The following NBEAL1 variants were observed in gnomAD, a reference collection of about 807,000 sequenced individuals.
The protein encoded by NBEAL1 is neurobeachin like 1.
In NBEAL1, 273 loss-of-function variants were observed where a neutral mutation model predicts 351.3. The ratio of observed to expected loss-of-function variants is 0.78; its 90% confidence interval spans 0.70 to 0.86. The LOEUF is 0.86. Among genes scored for constraint, NBEAL1 ranks in the 40% least tolerant of loss-of-function variants. The pLI is 0.00. For synonymous variants in NBEAL1, 1,050 were observed against 1,086.4 expected (o/e 0.97, Z 0.66); for missense variants, 2,961 against 3,201.3 (o/e 0.92, Z 1.81).
intron 10 of NBEAL1, among the ~76,000 whole-genome samples, chr2:203,089,171 C>T (rs960643123): frequency 1.3e-5 from 2 of 152,030 alleles, no homozygotes; most frequent in Non-Finnish European, 2.9e-5. Flanking sequence ...CCAGCCTGGC[C>T]AACATGGCAA....
intron 43 of NBEAL1, chr2:203,181,656 T>A (rs1209740014): frequency 6.6e-6 from 1 of 152,202 alleles, no homozygotes; most frequent in Non-Finnish European, 1.5e-5. Flanking sequence ...ATGTTAGTGT[T>A]TGACCCTTCA....
chr2:203,207,096 C>T (rs1425191295), intron 51 of NBEAL1, among the ~76,000 whole-genome samples: 2 of 148,934 alleles, frequency 1.3e-5, no homozygotes, highest in African/African-American at 4.9e-5. Flanking sequence ...TGAGGAGCGT[C>T]TCTGCCCGGC....
At chr2:203,138,125 T>C (rs534581634) in intron 29 of NBEAL1, 37 bp from the exon 30 acceptor site, 2 of 1,605,158 alleles carry the variant, frequency 1.2e-6, no homozygotes, top group Admixed American at 3.4e-5. Context: ...TTTTCTAAGC[T>C]CACAATGGTT....
chr2:203,162,978 G>C (rs146099848), intron 36 of NBEAL1, among the ~76,000 whole-genome samples: 1 of 151,964 alleles, frequency 6.6e-6, no homozygotes, highest in Admixed American at 6.6e-5. Context: ...AATGAAACCC[G>C]AAACCCAGTC....
At position 203,127,832 on chromosome 2, in the gene NBEAL1, G is replaced by C; in HGVS notation, c.3300G>C (p.Arg1100Ser). Residue 1100 changes from arginine (R) to serine (S), a missense_variant, in exon 24 of 56, where the codon AGG becomes AGC. Transcript: ENST00000683969. ...CTCTAGATGATATTCGAACAATAAGGACTTCTTTGTATGGACTAATTAAAT... is the reference window on the plus strand; with the variant it reads ...CTCTAGATGATATTCGAACAATAAGCACTTCTTTGTATGGACTAATTAAAT... ...ELSLDDIRTI[R>S]TSLYGLIKYF... 6.5e-7 allele frequency: 1 copy of C among 1,534,576 alleles called. No individual in the cohort carries two copies. Among genetic ancestry groups the C allele is most frequent in the Non-Finnish European group, 8.8e-7 (1 of 1,130,148 alleles).
chr2:203,148,730 A>G lies in NBEAL1; in HGVS notation c.5305-261A>G, dbSNP rs146512701. 3.2e-3 allele frequency among the ~76,000 whole-genome samples: 488 copies of G among 151,674 alleles called. 3 individuals carry two copies. Among genetic ancestry groups the G allele is most frequent in the African/African-American group, 0.011 (458 of 41,430 alleles). Reference sequence around the variant, plus strand: ...AAAGTTCTGTGTTGAGGCACTTTCCATTTTTGAAGTTCTTCACGTGTTTAT... The same window carrying G: ...AAAGTTCTGTGTTGAGGCACTTTCCGTTTTTGAAGTTCTTCACGTGTTTAT... On this transcript the variant is annotated intron_variant, in intron 33 of 55. Coordinates refer to ENST00000683969, the MANE Select transcript of NBEAL1 (RefSeq NM_001378026.1).
chr2:203,096,337 C>T (rs1374622021), intron 10 of NBEAL1, among the ~76,000 whole-genome samples: 2 of 152,162 alleles, frequency 1.3e-5, no homozygotes, highest in Admixed American at 6.5e-5. Flanking sequence ...AATACCATAC[C>T]TCTATGCAGT....
chr2:203,213,752 C>A, intron 55 of NBEAL1, 99 bp downstream of exon 55: 3 of 1,540,466 alleles, frequency 1.9e-6, no homozygotes, highest in East Asian at 2.3e-5. Flanking sequence ...TAGGGATAAA[C>A]AAATTAAAAG....
rs375219483 is a variant in NBEAL1 at position 203,093,682 on chromosome 2, C to T, written c.1099-3865C>T. ...CAGCCTGGCCAACGTGGCGAAACCC[C>T]GTCTCTACTAAAAATACAAAAATTA... On this transcript the variant is annotated intron_variant, in intron 10 of 55. Transcript: ENST00000683969. 5.3e-5 allele frequency among the ~76,000 whole-genome samples: 8 copies of T among 151,928 alleles called. No individual in the cohort carries two copies. In the South Asian group the frequency reaches 6.2e-4, roughly 12 times the overall value.
intron 37 of NBEAL1, among the ~76,000 whole-genome samples, chr2:203,166,785 A>C (rs10174782): frequency 0.88 from 133,740 of 151,768 alleles, 60,109 homozygotes; most frequent in Non-Finnish European, 0.96. Flanking sequence ...GAACTCCCAA[A>C]CTCATGTGAT....
At chr2:203,207,219 CT>C (rs1258467388) in intron 51 of NBEAL1, among the ~76,000 whole-genome samples, 5 of 151,270 alleles carry the variant, frequency 3.3e-5, no homozygotes, top group Admixed American at 1.3e-4. Flanking sequence ...GCCCCTCCGC[CT>C]GGCAGCCACC....
At position 203,216,867 on chromosome 2, in the gene NBEAL1, G is replaced by A. The variant is rs192454330; in HGVS notation, c.8071-386G>A. On this transcript the variant is annotated intron_variant, in intron 55 of 55. Transcript: ENST00000683969. ...TGCCCAGGCTGGAGGACAGTGGCAC[G>A]ATCTTGGCTTACTGCAACCTCTGCC... is the stretch of plus-strand genomic sequence containing the variant. Among the ~76,000 whole-genome samples the A allele has an allele frequency of 1.1e-4, 16 of 152,252 alleles. No homozygotes were observed. In the East Asian group the frequency reaches 2.3e-3, roughly 22 times the overall value.
chr2:203,035,451 A>G (rs1254121395), intron 2 of NBEAL1, among the ~76,000 whole-genome samples: 1 of 149,604 alleles, frequency 6.7e-6, no homozygotes, highest in Non-Finnish European at 1.5e-5. Flanking sequence ...TTGGATGAAT[A>G]TTTAAGTACA....
Position 203,190,347 on chromosome 2 carries a change from G to A in NBEAL1, c.6879G>A (p.Gly2293=). Residue 2293 remains glycine, a synonymous_variant, in exon 46 of 56, where the codon GGG becomes GGA. Coordinates refer to ENST00000683969, the MANE Select transcript of NBEAL1 (RefSeq NM_001378026.1). ...TDEKERKALE[G]MINNFGQTPC... ...AGAAAGAAAGAAAAGCCTTAGAAGG[G>A]ATGATTAATAATTTTGGGCAAACAC... 2 of 1,612,656 alleles carry A rather than the reference G, an allele frequency of 1.2e-6. No homozygotes were observed. Among genetic ancestry groups the A allele is most frequent in the East Asian group, 2.2e-5 (1 of 44,878 alleles).
chr2:203,141,384 T>TTA (rs2063376686), intron 31 of NBEAL1, among the ~76,000 whole-genome samples: 2 of 95,810 alleles, frequency 2.1e-5, no homozygotes, highest in Non-Finnish European at 4.2e-5. Context: ...TTTTTTTTTT[T>TTA]TTTTTTTTTT....
At chr2:203,113,630 A>G (rs1336039922) in intron 17 of NBEAL1, among the ~76,000 whole-genome samples, 1 of 152,142 alleles carries the variant, frequency 6.6e-6, no homozygotes, top group African/African-American at 2.4e-5. Flanking sequence ...GGCTTTAGCA[A>G]CAGAAATTTA....
At chr2:203,134,501 A>G (rs2063152656) in intron 27 of NBEAL1, among the ~76,000 whole-genome samples, 1 of 152,164 alleles carries the variant, frequency 6.6e-6, no homozygotes, top group South Asian at 2.1e-4. Flanking sequence ...TACTAGTAAT[A>G]TTGAAGTCCT....
chr2:203,024,798 A>G (rs1412072587), intron 2 of NBEAL1, among the ~76,000 whole-genome samples: 2 of 151,744 alleles, frequency 1.3e-5, no homozygotes, highest in Middle Eastern at 3.2e-3. Context: ...GGGGGCGGAG[A>G]CTGTAGTGAG....
chr2:203,199,514 A>C, intron 49 of NBEAL1, 67 bp downstream of exon 49: 1 of 739,346 alleles, frequency 1.4e-6, no homozygotes, highest in Non-Finnish European at 2.3e-6. Flanking sequence ...AAAAAACTAG[A>C]TTAATTGATT....
Sources: gnomAD v4.1 joint callset for allele counts (sites outside exome capture counted in the v4.1 genomes callset) on GRCh38, gnomAD v4.1.1 for gene constraint, MANE v1.5 for transcripts, NCBI Gene and HGNC (gene_info 2026-07-23, HGNC 2026-07-21) for gene names.